The following GLIS3 variants were observed in gnomAD, a reference collection of about 807,000 sequenced individuals.
The protein encoded by GLIS3 is GLIS family zinc finger 3, also known as zinc finger protein GLIS3.
GLIS3 carries 53 observed loss-of-function variants against 78.6 expected under a neutral mutation model. The ratio of observed to expected loss-of-function variants is 0.67; its 90% CI spans 0.54 to 0.85. GLIS3 has a LOEUF of 0.85. Ranked by LOEUF, GLIS3 falls within the 40% of genes least tolerant of loss-of-function variation. The pLI, the probability that GLIS3 is intolerant of heterozygous loss-of-function variation, is 0.00. For missense variants in GLIS3, 1,703 were observed against 1,231.1 expected (o/e 1.38, Z -5.74); for synonymous variants, 684 against 509.9 (o/e 1.34, Z -4.60).
intron 4 of GLIS3, among the ~76,000 whole-genome samples, chr9:3,944,437 C>G (rs535577468): frequency 3.1e-4 from 47 of 152,298 alleles, no homozygotes; most frequent in African/African-American, 1.1e-3. Context: ...TCTATACATA[C>G]AAGGTATCAT....
chr9:4,403,438 G>A, the GLIS3 span, among the ~76,000 whole-genome samples: 108,423 of 151,962 alleles, frequency 0.71, 38,795 homozygotes, highest in South Asian at 0.81. Context: ...ATGGTGGTGT[G>A]TAAACTACTC....
At chr9:4,011,389 C>G (rs1821994376) in intron 4 of GLIS3, among the ~76,000 whole-genome samples, 1 of 152,174 alleles carries the variant, frequency 6.6e-6, no homozygotes, top group Non-Finnish European at 1.5e-5. Flanking sequence ...GACCAGAAGA[C>G]AAAGAGAACA....
chr9:4,098,433 G>A (rs74412798), intron 4 of GLIS3, among the ~76,000 whole-genome samples: 2,494 of 152,172 alleles, frequency 0.016, 63 homozygotes, highest in African/African-American at 0.057. Flanking sequence ...ATCGATACAC[G>A]GTGTAACAGA....
At chr9:4,339,535 G>A (rs1169603790) in intron 2 of GLIS3, among the ~76,000 whole-genome samples, 1 of 151,420 alleles carries the variant, frequency 6.6e-6, no homozygotes, top group African/African-American at 2.4e-5. Context: ...AGGTGCAGAG[G>A]TTTGGATTGC....
chr9:4,164,519 G>A (rs187829245), intron 2 of GLIS3, among the ~76,000 whole-genome samples: 2 of 152,262 alleles, frequency 1.3e-5, no homozygotes, highest in East Asian at 1.9e-4. Context: ...GGATTAACTC[G>A]ACTGTGAAAG....
At chr9:4,015,847 C>T (rs1345242705) in intron 4 of GLIS3, among the ~76,000 whole-genome samples, 1 of 146,696 alleles carries the variant, frequency 6.8e-6, no homozygotes, top group African/African-American at 2.6e-5. Flanking sequence ...TGAGATCACG[C>T]CATTGCACTT....
At chr9:3,866,962 A>T (rs1820628754) in intron 8 of GLIS3, among the ~76,000 whole-genome samples, 1 of 152,158 alleles carries the variant, frequency 6.6e-6, no homozygotes, top group South Asian at 2.1e-4. Context: ...AGTGGCTTGA[A>T]CTAGGGAGGA....
intron 2 of GLIS3, among the ~76,000 whole-genome samples, chr9:4,258,837 C>G (rs1400313244): frequency 6.6e-6 from 1 of 152,184 alleles, no homozygotes; most frequent in Non-Finnish European, 1.5e-5. Flanking sequence ...ACATTACTTG[C>G]ATTCTTTTCT....
At chr9:4,014,349 C>A (rs1007969156) in intron 4 of GLIS3, among the ~76,000 whole-genome samples, 7 of 152,170 alleles carry the variant, frequency 4.6e-5, no homozygotes, top group Admixed American at 4.6e-4. Flanking sequence ...TTCATGTCTA[C>A]TGGGGACATC....
chr9:4,131,357 G>T (rs1832957679), intron 2 of GLIS3, among the ~76,000 whole-genome samples: 1 of 152,164 alleles, frequency 6.6e-6, no homozygotes, highest in East Asian at 1.9e-4. Flanking sequence ...AGGGGTCAGG[G>T]TGATATAATA....
At chr9:3,954,010 TA>T (rs1349772747) in intron 4 of GLIS3, among the ~76,000 whole-genome samples, 1 of 152,048 alleles carries the variant, frequency 6.6e-6, no homozygotes, top group African/African-American at 2.4e-5. Flanking sequence ...TCACTTGGAG[TA>T]AATTAAATTC....
intron 2 of GLIS3, among the ~76,000 whole-genome samples, chr9:4,311,494 T>C (rs1817356470): frequency 6.6e-6 from 1 of 152,162 alleles, no homozygotes; most frequent in Non-Finnish European, 1.5e-5. Flanking sequence ...TCCACAAGCT[T>C]CACCAGACTC....
At chr9:4,136,990 C>T (rs975348977) in intron 2 of GLIS3, among the ~76,000 whole-genome samples, 8 of 152,190 alleles carry the variant, frequency 5.3e-5, no homozygotes, top group South Asian at 2.1e-4. Context: ...TAGGTAGTGG[C>T]GCATCCCATT....
chr9:3,850,558 G>T (rs1440547222), intron 9 of GLIS3, among the ~76,000 whole-genome samples: 2 of 152,118 alleles, frequency 1.3e-5, no homozygotes, highest in Non-Finnish European at 2.9e-5. Flanking sequence ...CTGTACATGT[G>T]GCCCAACATA....
chr9:4,370,702 A>C, the GLIS3 span, among the ~76,000 whole-genome samples: 1 of 126,028 alleles, frequency 7.9e-6, no homozygotes, highest in Non-Finnish European at 1.8e-5. Context: ...TTCTGTAATA[A>C]ATAAAATATA....
chr9:4,023,290 G>C (rs1823038187), intron 4 of GLIS3, among the ~76,000 whole-genome samples: 1 of 152,048 alleles, frequency 6.6e-6, no homozygotes, highest in Admixed American at 6.5e-5. Context: ...TTTAAGTCCT[G>C]TGCAGTACCC....
chr9:3,878,188 C>T (rs889310212), intron 8 of GLIS3, among the ~76,000 whole-genome samples: 3 of 152,060 alleles, frequency 2.0e-5, no homozygotes, highest in Admixed American at 6.6e-5. Flanking sequence ...CTGTGTCTTT[C>T]TTTCCCTCAC....
chr9:4,375,292 C>G, the GLIS3 span, among the ~76,000 whole-genome samples: 2 of 152,158 alleles, frequency 1.3e-5, no homozygotes, highest in African/African-American at 4.8e-5. Context: ...TAAAGGAGAT[C>G]ACAAAGTTCT....
intron 6 of GLIS3, among the ~76,000 whole-genome samples, chr9:3,902,573 G>C (rs1823392647): frequency 6.6e-6 from 1 of 152,204 alleles, no homozygotes; most frequent in Non-Finnish European, 1.5e-5. Flanking sequence ...TGACAGGAGG[G>C]AGGGTCTTTA....
Sources: gnomAD v4.1 joint callset for allele counts (sites outside exome capture counted in the v4.1 genomes callset) on GRCh38, gnomAD v4.1.1 for gene constraint, MANE v1.5 for transcripts, NCBI Gene and HGNC (gene_info 2026-07-23, HGNC 2026-07-21) for gene names.